The following ACOT7 variants were observed in gnomAD, a reference collection of about 807,000 sequenced individuals.
ACOT7 encodes the protein cytosolic acyl coenzyme A thioester hydrolase.
A neutral mutation model predicts 40.2 loss-of-function variants in ACOT7; 12 were observed. That is an observed-to-expected ratio of 0.30 (90% CI 0.19 to 0.48). The LOEUF is 0.48. Ranked by LOEUF, ACOT7 falls within the 20% of genes least tolerant of loss-of-function variation. The pLI, the probability that ACOT7 is intolerant of heterozygous loss-of-function variation, is 0.99. For missense variants in ACOT7, 395 were observed against 530.8 expected (o/e 0.74, Z 2.51); for synonymous variants, 228 against 219.5 (o/e 1.04, Z -0.34).
chr1:6,267,237 G>A (rs1179491469), intron 8 of ACOT7, among the ~76,000 whole-genome samples: 3 of 152,228 alleles, frequency 2.0e-5, no homozygotes, highest in Non-Finnish European at 4.4e-5. Flanking sequence ...TGCAGATGTG[G>A]GAGACTGGCG....
intron 6 of ACOT7, among the ~76,000 whole-genome samples, chr1:6,317,933 T>C (rs957442438): frequency 5.9e-5 from 9 of 152,168 alleles, no homozygotes; most frequent in South Asian, 2.1e-4. Flanking sequence ...GGTTTTGCCA[T>C]GTTGGCCAGG....
At chr1:6,269,787 G>C (rs1425763144) in intron 8 of ACOT7, among the ~76,000 whole-genome samples, 2 of 152,266 alleles carry the variant, frequency 1.3e-5, no homozygotes, top group Non-Finnish European at 2.9e-5. Flanking sequence ...TCCCGGGATG[G>C]TAGTATCTGC....
chr1:6,347,567 T>A (rs1641465400), intron 2 of ACOT7, among the ~76,000 whole-genome samples: 1 of 152,046 alleles, frequency 6.6e-6, no homozygotes, highest in South Asian at 2.1e-4. Flanking sequence ...GAGTTCGAGA[T>A]CAGCCTGGCC....
chr1:6,266,539 T>G (rs1030170095), intron 8 of ACOT7, among the ~76,000 whole-genome samples: 3 of 152,282 alleles, frequency 2.0e-5, no homozygotes, highest in Admixed American at 2.0e-4. Context: ...GACACAACGC[T>G]GTGGCCCGCG....
intron 8 of ACOT7, 82 bp downstream of exon 8, chr1:6,281,020 A>G: frequency 6.6e-7 from 1 of 1,523,774 alleles, no homozygotes; most frequent in Non-Finnish European, 8.8e-7. Flanking sequence ...ATGCAGGCAC[A>G]GATTCCCCCT....
chr1:6,332,394 G>A (rs1395212964), intron 4 of ACOT7, among the ~76,000 whole-genome samples: 3 of 152,176 alleles, frequency 2.0e-5, no homozygotes, highest in Non-Finnish European at 4.4e-5. Flanking sequence ...GTACTTTTAG[G>A]CAACGAATTA....
At chr1:6,333,597 C>T (rs181433329) in intron 3 of ACOT7, 29 bp from the exon 4 acceptor site, 56 of 1,610,802 alleles carry the variant, frequency 3.5e-5, no homozygotes, top group Middle Eastern at 3.3e-4. Context: ...CATTAAGTGA[C>T]GCCCGGGAGA....
At chr1:6,267,723 G>C (rs1374040984) in intron 8 of ACOT7, among the ~76,000 whole-genome samples, 2 of 152,206 alleles carry the variant, frequency 1.3e-5, no homozygotes, top group African/African-American at 4.8e-5. Context: ...CCCGCCTCTG[G>C]GATGGGCTGC....
In ACOT7 at chr1:6,360,259, G is replaced by A. The variant is rs192426846; in HGVS notation, c.144-10393C>T. Among the ~76,000 whole-genome samples, 372 of 152,318 alleles carry A rather than the reference G, an allele frequency of 2.4e-3. 7 individuals are homozygous for A. The Middle Eastern group carries it at 0.031, about 13-fold the overall frequency. ...GAGAGGATTCTAAAGGGATCCCACC[G>A]ACCCAAAATGTCTGCCCGGAGGGGA... On this transcript the variant is annotated intron_variant, in intron 1 of 8. Coordinates refer to ENST00000361521, the MANE Select transcript of ACOT7 (RefSeq NM_007274.4).
chr1:6,361,520 A>T (rs1023034364), intron 1 of ACOT7, among the ~76,000 whole-genome samples: 1 of 152,222 alleles, frequency 6.6e-6, no homozygotes. Flanking sequence ...CAAACAAGGC[A>T]GGGTGGAGTA....
At chr1:6,347,611 A>C (rs1422803434) in intron 2 of ACOT7, among the ~76,000 whole-genome samples, 1 of 152,042 alleles carries the variant, frequency 6.6e-6, no homozygotes, top group Non-Finnish European at 1.5e-5. Flanking sequence ...CTAAAAATAC[A>C]AAAAAATTAG....
At chr1:6,361,660 G>A (rs919139352) in intron 1 of ACOT7, among the ~76,000 whole-genome samples, 1 of 152,160 alleles carries the variant, frequency 6.6e-6, no homozygotes, top group Admixed American at 6.5e-5. Flanking sequence ...AACCAGGCAT[G>A]GTGGTGTGCT....
At chr1:6,372,694 G>A (rs976932640) in intron 1 of ACOT7, among the ~76,000 whole-genome samples, 12 of 151,902 alleles carry the variant, frequency 7.9e-5, no homozygotes, top group African/African-American at 1.2e-4. Context: ...GACTACAGGC[G>A]TATGTCAACA....
intron 6 of ACOT7, among the ~76,000 whole-genome samples, chr1:6,315,381 C>T (rs561553152): frequency 3.7e-4 from 56 of 152,306 alleles, no homozygotes; most frequent in African/African-American, 1.0e-3. Context: ...CAGGAAAATA[C>T]GATAAAATCA....
intron 1 of ACOT7, among the ~76,000 whole-genome samples, chr1:6,372,806 T>G (rs189737429): frequency 1.3e-5 from 2 of 152,156 alleles, no homozygotes; most frequent in African/African-American, 4.8e-5. Context: ...CGCCTCAGCC[T>G]CCCAAAGTGC....
chr1:6,307,938 C>T (rs113403373), intron 6 of ACOT7, among the ~76,000 whole-genome samples: 3,919 of 149,490 alleles, frequency 0.026, 189 homozygotes, highest in African/African-American at 0.093. Flanking sequence ...GCAGAGGGAA[C>T]CACAACAGGC....
Position 6,338,546 on chromosome 1 carries a change from GAC to G in ACOT7, c.418+885_418+886del, listed in dbSNP as rs1160040089. 3.3e-5 allele frequency among the ~76,000 whole-genome samples: 5 copies of G among 152,222 alleles called. No individual in the cohort carries two copies. In the South Asian group the frequency reaches 6.2e-4, roughly 19 times the overall value. ...TCTGCCCACCTGCCGGAGCTGGGCT[GAC>G]ACAGCCATTCTAATCAACCCTGCTG... On this transcript the variant is annotated intron_variant, in intron 3 of 8. Transcript: ENST00000361521. This position sits in a 1 kb window ranked among gnomAD's most constrained non-coding sequence, Gnocchi z 4.4.
At position 6,288,054 on chromosome 1, in the gene ACOT7, C is replaced by T. The variant is rs972478752; in HGVS notation, c.830-6768G>A. ...CTTTTTCACACCAGCTACCTCTGGA[C>T]ATTTTAATGTCTCAACTGAAAAAAA... On this transcript the variant is annotated intron_variant, in intron 7 of 8. Coordinates refer to ENST00000361521, the MANE Select transcript of ACOT7 (RefSeq NM_007274.4). The surrounding 1 kb of genome is among the most constrained non-coding windows in gnomAD (Gnocchi z 4.3). 1.3e-5 allele frequency among the ~76,000 whole-genome samples: 2 copies of T among 152,100 alleles called. No individual in the cohort carries two copies. Among genetic ancestry groups the T allele is most frequent in the African/African-American group, 4.8e-5 (2 of 41,434 alleles).
chr1:6,339,746 T>G (rs1039240623), intron 2 of ACOT7, among the ~76,000 whole-genome samples, 157 bp from the exon 3 acceptor site: 21 of 150,588 alleles, frequency 1.4e-4, no homozygotes, highest in Admixed American at 1.1e-3. Context: ...GCGGTTTTTT[T>G]TTTTTTTTTT....
Sources: gnomAD v4.1 joint callset for allele counts (sites outside exome capture counted in the v4.1 genomes callset) on GRCh38, gnomAD v4.1.1 for gene constraint, Gnocchi (gnomAD v3.1) non-coding constraint, MANE v1.5 for transcripts, NCBI Gene and HGNC (gene_info 2026-07-23, HGNC 2026-07-21) for gene names.